The following GBF1 variants were observed in gnomAD, a reference collection of about 807,000 sequenced individuals.
The protein encoded by GBF1 is Golgi-specific brefeldin A-resistance guanine nucleotide exchange factor 1.
A neutral mutation model predicts 210.5 loss-of-function variants in GBF1; 114 were observed. That is an observed-to-expected ratio of 0.54 (90% CI 0.47 to 0.63). The LOEUF (loss-of-function observed/expected upper bound fraction) is 0.63. GBF1 is among the 30% of genes least tolerant of loss of function. The probability of loss-of-function intolerance (pLI) is 0.00; values close to 1 mark genes in which losing one functional copy is unlikely to be tolerated. For missense variants in GBF1, 1,851 were observed against 2,357.7 expected (o/e 0.79, Z 4.45); for synonymous variants, 850 against 889.2 (o/e 0.96, Z 0.78).
rs201067456 is a variant in GBF1 at position 102,381,199 on chromosome 10, C to G, written c.5246C>G (p.Thr1749Ser). The G allele has an allele frequency of 1.2e-6, 2 of 1,613,968 alleles. No individual in the cohort carries two copies. The highest frequency in any genetic ancestry group is 1.7e-6 in the Non-Finnish European group (2 of 1,179,932). The change falls in exon 39 of 40, where the codon ACT (threonine) becomes AGT (serine). Residue 1749 changes from threonine (T) to serine (S), a missense_variant. Physicochemically the swap from Thr to Ser is moderately conservative, Grantham distance 58. Around this residue, in one of 3 missense-constraint regions of GBF1, gnomAD observed 967 missense variants for 1,247.7 expected, o/e 0.78. Coordinates refer to ENST00000369983, the MANE Select transcript of GBF1 (RefSeq NM_001377137.1). The part of the protein sequence containing the change: ...SAHLTSAAGD[T>S]RTPGHPPPPE... ...CACCTGACTTCCGCTGCTGGCGACA[C>G]TAGGACACCTGGCCATCCACCGCCC...
At chr10:102,355,600 A>T (rs1297215749) in intron 8 of GBF1, among the ~76,000 whole-genome samples, 1 of 152,188 alleles carries the variant, frequency 6.6e-6, no homozygotes, top group Non-Finnish European at 1.5e-5. Flanking sequence ...CACTAATTGA[A>T]ATGATCAGGT....
At chr10:102,302,930 T>A (rs2077511391) in intron 3 of GBF1, among the ~76,000 whole-genome samples, 1 of 152,020 alleles carries the variant, frequency 6.6e-6, no homozygotes, top group African/African-American at 2.4e-5. Context: ...AATGTACATC[T>A]ATGTTTTCTT....
Position 102,380,556 on chromosome 10 carries a change from A to G in GBF1, c.5043A>G (p.Thr1681=). The change falls in exon 38 of 40, where the codon ACA becomes ACG. Residue 1681 remains threonine (T), a synonymous_variant. Transcript: ENST00000369983. ...AGAACATGCTTCTGGTGATGGACAC[A>G]GCGGAGATTTTCCACAGTGCAGATG... ...SLKNMLLVMD[T]AEIFHSADAR... is the part of the protein sequence containing the mutation. 1 of 1,614,064 alleles carries G rather than the reference A, an allele frequency of 6.2e-7. No homozygotes were observed. Among genetic ancestry groups the G allele is most frequent in the South Asian group, 1.1e-5 (1 of 91,072 alleles).
At chr10:102,284,196 C>A (rs189710222) in intron 3 of GBF1, among the ~76,000 whole-genome samples, 1 of 152,172 alleles carries the variant, frequency 6.6e-6, no homozygotes, top group African/African-American at 2.4e-5. Context: ...TGTTAAAGCA[C>A]TTTAGAAAAA....
rs1846825468 is a variant in GBF1, at chr10:102,347,980, A to G, written c.296-3276A>G. Reference sequence around the variant, plus strand: ...ATTGAGACAGTTCGCTCTGTTGCCCAGGTTGGAGTGCACTGGTGTGATCTT... The same window carrying G: ...ATTGAGACAGTTCGCTCTGTTGCCCGGGTTGGAGTGCACTGGTGTGATCTT... On this transcript the variant is annotated intron_variant, in intron 4 of 39. Coordinates refer to ENST00000369983, the MANE Select transcript of GBF1 (RefSeq NM_001377137.1). Among the ~76,000 whole-genome samples the G allele has an allele frequency of 5.3e-5, 8 of 152,226 alleles. No homozygotes were observed. In the South Asian group the frequency reaches 1.5e-3, roughly 28 times the overall value.
the GBF1 span, chr10:102,231,598 G>A: frequency 6.2e-7 from 1 of 1,601,896 alleles, no homozygotes; most frequent in Non-Finnish European, 8.5e-7. Context: ...CCGCACGCGG[G>A]CCTCGGTGAG....
chr10:102,349,436 G>A (rs2058788355), intron 4 of GBF1, among the ~76,000 whole-genome samples: 1 of 152,174 alleles, frequency 6.6e-6, no homozygotes, highest in African/African-American at 2.4e-5. Context: ...GGAGGCTGAG[G>A]CAGGAGAATT....
chr10:102,241,185 C>T (rs1017537974), upstream of GBF1: 1 of 152,744 alleles, frequency 6.5e-6, no homozygotes, highest in Non-Finnish European at 1.5e-5. This position sits in a 1 kb window ranked among gnomAD's most constrained non-coding sequence, Gnocchi z 6.7. Context: ...AAGTCCTGGC[C>T]CCAGGTCTGC....
chr10:102,361,057 T>G lies in GBF1; in HGVS notation c.1428T>G (p.Ala476=). Residue 476 remains alanine, a synonymous_variant, in exon 13 of 40, where the codon GCT becomes GCG. Transcript: ENST00000369983. The part of the protein sequence containing the change: ...LSIERLNLYA[A]SLRVCFLLFE... ...TAGAGCGACTAAACCTTTATGCTGC[T>G]TCCCTGCGAGTATGCTTCCTACTGT... is the stretch of plus-strand genomic sequence containing the variant. 6.2e-7 allele frequency: 1 copy of G among 1,606,442 alleles called. No individual in the cohort carries two copies. Among genetic ancestry groups the G allele is most frequent in the Non-Finnish European group, 8.5e-7 (1 of 1,173,124 alleles).
chr10:102,368,926 C>A, intron 23 of GBF1, 94 bp downstream of exon 23: 1 of 842,378 alleles, frequency 1.2e-6, no homozygotes, highest in South Asian at 1.5e-5. Context: ...TGGTTGCCCT[C>A]AGCGTCTTCC....
chr10:102,351,872 G>A lies in GBF1; in HGVS notation c.444G>A (p.Val148=). Residue 148 remains valine, a synonymous_variant, in exon 6 of 40, where the codon GTG becomes GTA. Coordinates refer to ENST00000369983, the MANE Select transcript of GBF1 (RefSeq NM_001377137.1). ...QVLRTLLLTP[V]GAHLTNESVC... ...TACGGACTCTGCTGCTAACCCCAGT[G>A]GGTGCCCACCTAACCAATGAATCTG... 1 of 1,608,830 alleles carries A rather than the reference G, an allele frequency of 6.2e-7. No individual in the cohort carries two copies. The highest frequency in any genetic ancestry group is 8.5e-7 in the Non-Finnish European group (1 of 1,175,238).
chr10:102,291,323 C>T (rs991340390), intron 3 of GBF1, among the ~76,000 whole-genome samples: 1 of 151,816 alleles, frequency 6.6e-6, no homozygotes, highest in African/African-American at 2.4e-5. Context: ...AGTGTAGAAA[C>T]GAGAGGTCCT....
chr10:102,377,152 A>G lies in GBF1; in HGVS notation c.4494+12A>G, dbSNP rs1487625972. On this transcript the variant is annotated intron_variant, in intron 33 of 39. Transcript: ENST00000369983. Reference sequence around the variant, plus strand: ...AGGTCAGTCAGGACGTAAGTATGGCACCCTTTACTTCCTCTCCTCCCCTGC... The same window carrying G: ...AGGTCAGTCAGGACGTAAGTATGGCGCCCTTTACTTCCTCTCCTCCCCTGC... The G allele has an allele frequency of 6.2e-7, 1 of 1,601,512 alleles. No homozygotes were observed. Among genetic ancestry groups the G allele is most frequent in the Non-Finnish European group, 8.6e-7 (1 of 1,169,496 alleles).
rs368064518 is a variant in GBF1, at chr10:102,300,748, G to A, written c.163+40632G>A. ...ACAGTGACACTAAATTTCAAGCAAA[G>A]CTCCGTCGTCATTCAGTTTGCTTCT... On this transcript the variant is annotated intron_variant, in intron 3 of 39. Coordinates refer to ENST00000369983, the MANE Select transcript of GBF1 (RefSeq NM_001377137.1). 5.3e-5 allele frequency among the ~76,000 whole-genome samples: 8 copies of A among 152,256 alleles called. No homozygotes were observed. The South Asian group carries it at 1.0e-3, about 20-fold the overall frequency.
chr10:102,253,266 A>C (rs1051949928), intron 1 of GBF1, among the ~76,000 whole-genome samples: 1 of 152,182 alleles, frequency 6.6e-6, no homozygotes, highest in Non-Finnish European at 1.5e-5. Context: ...AGCTTGAAAA[A>C]TAACATCACC....
At chr10:102,379,457 A>G (rs765910740) in intron 34 of GBF1, 23 bp downstream of exon 34, 1 of 1,614,026 alleles carries the variant, frequency 6.2e-7, no homozygotes, top group South Asian at 1.1e-5. Flanking sequence ...GGGCAGAGGT[A>G]GGGAGTTTGG....
chr10:102,367,334 G>C, intron 20 of GBF1, 124 bp downstream of exon 20: 2 of 1,232,244 alleles, frequency 1.6e-6, no homozygotes, highest in East Asian at 2.3e-5. Context: ...GGAAGGGCTG[G>C]CCAACCTAGA....
chr10:102,230,798 C>T, the GBF1 span: 5 of 1,550,396 alleles, frequency 3.2e-6, no homozygotes, highest in Non-Finnish European at 4.4e-6. Context: ...GGCCCTGGCA[C>T]GGTGCCCGGG....
At chr10:102,315,627 A>G (rs1364378518) in intron 3 of GBF1, among the ~76,000 whole-genome samples, 4 of 152,190 alleles carry the variant, frequency 2.6e-5, no homozygotes, top group Non-Finnish European at 5.9e-5. Context: ...TCACATGTGC[A>G]GTTCACAATA....
Sources: allele counts gnomAD v4.1 joint callset (sites outside exome capture counted in the v4.1 genomes callset), GRCh38; gene constraint gnomAD v4.1.1; regional missense constraint gnomAD v4.1.1; non-coding constraint Gnocchi (gnomAD v3.1); transcripts MANE v1.5; gene names NCBI Gene and HGNC (gene_info 2026-07-23, HGNC 2026-07-21).